SPRING1: variants seen among roughly 807,000 people sequenced by gnomAD.
SPRING1 encodes the protein SREBP regulating gene protein.
In SPRING1, 14 loss-of-function variants were observed where a neutral mutation model predicts 24.7. The ratio of observed to expected loss-of-function variants is 0.57; its 90% CI spans 0.37 to 0.88. The LOEUF is 0.88. SPRING1 is among the 40% of genes least tolerant of loss of function. The probability of loss-of-function intolerance (pLI) is 0.00; values close to 1 mark genes in which losing one functional copy is unlikely to be tolerated. For missense variants in SPRING1, 255 were observed against 268.4 expected, an observed-to-expected ratio of 0.95 and a Z score of 0.35; for synonymous variants, 93 against 106.1, an observed-to-expected ratio of 0.88 and a Z score of 0.76.
chr12:116,731,848 G>C (rs750432623), intron 1 of SPRING1, among the ~76,000 whole-genome samples: 16 of 152,280 alleles, frequency 1.1e-4, no homozygotes, highest in Non-Finnish European at 2.1e-4. Context: ...GTCTAACATG[G>C]GTAAGCCGAG....
At chr12:116,733,914 T>C (rs1270493388) in intron 1 of SPRING1, among the ~76,000 whole-genome samples, 1 of 152,174 alleles carries the variant, frequency 6.6e-6, no homozygotes, top group Non-Finnish European at 1.5e-5. Flanking sequence ...TCTCACTCTG[T>C]TGCCCAGGCT....
At chr12:116,726,773 T>C (rs1171426011) in intron 1 of SPRING1, among the ~76,000 whole-genome samples, 1 of 152,200 alleles carries the variant, frequency 6.6e-6, no homozygotes, top group Non-Finnish European at 1.5e-5. Flanking sequence ...CAAAGTACAG[T>C]AAACTGGATT....
rs976039612 is a variant in SPRING1, at chr12:116,728,412, T to G, written c.112-5189A>C. ...CAGTTGGTGTTATTTGTTAAATAAA[T>G]GCACCCAAGAAACCTGGTACCATTC... On this transcript the variant is annotated intron_variant, in intron 1 of 4. Transcript: ENST00000261318. This position sits in a 1 kb window ranked among gnomAD's most constrained non-coding sequence, Gnocchi z 4.2. 2.0e-5 allele frequency among the ~76,000 whole-genome samples: 3 copies of G among 152,166 alleles called. No homozygotes were observed. Among genetic ancestry groups the G allele is most frequent in the African/African-American group, 7.2e-5 (3 of 41,434 alleles).
intron 1 of SPRING1, among the ~76,000 whole-genome samples, chr12:116,729,066 C>A (rs150779340): frequency 2.6e-5 from 4 of 152,212 alleles, no homozygotes; most frequent in South Asian, 4.2e-4. Flanking sequence ...GAATTCGGTA[C>A]ATGAGTTTTT....
rs1362193209 is a variant in SPRING1 at position 116,720,486 on chromosome 12, C to T, written c.269-39G>A. The T allele has an allele frequency of 1.2e-5, 19 of 1,607,270 alleles. No homozygotes were observed. The highest frequency in any genetic ancestry group is 1.5e-5 in the Non-Finnish European group (18 of 1,176,618). On this transcript the variant is annotated intron_variant, in intron 2 of 4. Coordinates refer to ENST00000261318, the MANE Select transcript of SPRING1 (RefSeq NM_024738.4). This position sits in a 1 kb window ranked among gnomAD's most constrained non-coding sequence, Gnocchi z 4.0. ...ACCAACCTTAGCATAAAACCAGCAGCCTTGCCACCTCCCTACCAGGGATGA... is the reference window on the plus strand; with the variant it reads ...ACCAACCTTAGCATAAAACCAGCAGTCTTGCCACCTCCCTACCAGGGATGA...
At position 116,734,430 on chromosome 12, in the gene SPRING1, G is replaced by T. The variant is rs75886539; in HGVS notation, c.111+3360C>A. ...TCTTAAAATGAAGATGATGTATCAGGGTAGTGAAAAGGTGGTTGTAGGGAA... is the reference window on the plus strand; with the variant it reads ...TCTTAAAATGAAGATGATGTATCAGTGTAGTGAAAAGGTGGTTGTAGGGAA... On this transcript the variant is annotated intron_variant, in intron 1 of 4. Transcript: ENST00000261318. Among the ~76,000 whole-genome samples the T allele has an allele frequency of 3.7e-3, 565 of 152,292 alleles. 3 individuals are homozygous for T. Among genetic ancestry groups the T allele is most frequent in the African/African-American group, 0.013 (553 of 41,556 alleles).
In SPRING1 at chr12:116,737,765, G is replaced by A. The variant is rs774041410; in HGVS notation, c.111+25C>T. The A allele has an allele frequency of 2.6e-6, 4 of 1,533,906 alleles. No homozygotes were observed. In the African/African-American group the frequency reaches 5.7e-5, roughly 22 times the overall value. The stretch of plus-strand genomic sequence containing the variant: ...GAGGAAGGAAGGAAGAAGGGAAGGG[G>A]AGGAGGGGAAGGGCGGCCACTGACC... On this transcript the variant is annotated intron_variant, in intron 1 of 4. Coordinates refer to ENST00000261318, the MANE Select transcript of SPRING1 (RefSeq NM_024738.4).
rs1870055773 is a variant in SPRING1 at position 116,714,998 on chromosome 12, C to T, written c.*2812G>A. 1 of 152,056 alleles carries T rather than the reference C, an allele frequency of 6.6e-6. No homozygotes were observed. The highest frequency in any genetic ancestry group is 1.5e-5 in the Non-Finnish European group (1 of 68,032). The allele number at this position is 152,056 out of a possible 1,614,324, so 9.4% of individuals were successfully genotyped here. ...GAACTGGGGGAGATGCAACGTATGACTCAATTCCCTTGAGCCGAAAACACT... is the reference window on the plus strand; with the variant it reads ...GAACTGGGGGAGATGCAACGTATGATTCAATTCCCTTGAGCCGAAAACACT... On this transcript the variant is annotated 3_prime_UTR_variant, in exon 5 of 5. Transcript: ENST00000261318.
chr12:116,710,220 A>C lies in SPRING1; in HGVS notation c.*7590T>G, dbSNP rs550689087. ...AGGGTCCTACCTTTATTTACATACA[A>C]ATACAAAATCCACGTTTATATACAA... On this transcript the variant is annotated 3_prime_UTR_variant, in exon 5 of 5. Transcript: ENST00000261318. 1 of 152,350 alleles carries C rather than the reference A, an allele frequency of 6.6e-6. No individual in the cohort carries two copies. The highest frequency in any genetic ancestry group is 2.4e-5 in the African/African-American group (1 of 41,586). The allele number at this position is 152,350 out of a possible 1,614,324, so 9.4% of individuals were successfully genotyped here.
At chr12:116,722,380 T>C (rs1870476949) in intron 2 of SPRING1, among the ~76,000 whole-genome samples, 1 of 152,150 alleles carries the variant, frequency 6.6e-6, no homozygotes, top group South Asian at 2.1e-4. Context: ...CACTAAAACA[T>C]TAAAGTGAGA....
At chr12:116,737,656 A>G (rs541066391) in intron 1 of SPRING1, 134 bp downstream of exon 1, 2 of 1,023,198 alleles carry the variant, frequency 2.0e-6, no homozygotes, top group Admixed American at 8.1e-5. Flanking sequence ...GGAGAAAGAA[A>G]GGAAGGGAAG....
In SPRING1 at chr12:116,737,914, T is replaced by C; in HGVS notation, c.-14A>G. On this transcript the variant is annotated 5_prime_UTR_variant, in exon 1 of 5. Transcript: ENST00000261318. ...CAGGTTCACCATCCCGGCGCGGACG[T>C]GGGGCGCGGCGGCCGGGGCGCGGAA... 6.6e-7 allele frequency: 1 copy of C among 1,517,428 alleles called. No individual in the cohort carries two copies. The highest frequency in any genetic ancestry group is 8.8e-7 in the Non-Finnish European group (1 of 1,134,796). The allele number at this position is 1,517,428 out of a possible 1,614,324, so 94.0% of individuals were successfully genotyped here.
chr12:116,729,091 TA>T (rs1338985158), intron 1 of SPRING1, among the ~76,000 whole-genome samples: 2 of 152,164 alleles, frequency 1.3e-5, no homozygotes, highest in African/African-American at 4.8e-5. Context: ...AAAAAACACT[TA>T]AAAAAATAGT....
chr12:116,718,472 T>C (rs1332916733), intron 4 of SPRING1, among the ~76,000 whole-genome samples: 1 of 152,250 alleles, frequency 6.6e-6, no homozygotes. Flanking sequence ...TACAAGCAAC[T>C]TGGGTTTTTG....
At chr12:116,721,920 T>C (rs1870454383) in intron 2 of SPRING1, among the ~76,000 whole-genome samples, 1 of 152,186 alleles carries the variant, frequency 6.6e-6, no homozygotes, top group Non-Finnish European at 1.5e-5. Context: ...TGCAGCTCTT[T>C]CTAGCTTGGT....
chr12:116,723,845 C>T (rs1047325628), intron 1 of SPRING1, among the ~76,000 whole-genome samples: 18 of 152,166 alleles, frequency 1.2e-4, no homozygotes, highest in African/African-American at 4.1e-4. Context: ...GGCCGGCCAG[C>T]CCTCTACCCG....
In SPRING1 at chr12:116,713,834, A is replaced by C. The variant is rs911479254; in HGVS notation, c.*3976T>G. 1 of 152,212 alleles carries C rather than the reference A, an allele frequency of 6.6e-6. No individual in the cohort carries two copies. The highest frequency in any genetic ancestry group is 6.5e-5 in the Admixed American group (1 of 15,274). 9.4% of individuals were successfully genotyped at this position (152,212 alleles called of 1,614,324 possible). ...AAAGTACTTTCATTTTTGCCTAGAA[A>C]ATGGGGGAAGACAAAAATGCGCTTC... On this transcript the variant is annotated 3_prime_UTR_variant, in exon 5 of 5. Transcript: ENST00000261318.
intron 1 of SPRING1, among the ~76,000 whole-genome samples, chr12:116,730,413 A>T (rs141772663): frequency 6.6e-6 from 1 of 151,828 alleles, no homozygotes; most frequent in Non-Finnish European, 1.5e-5. Flanking sequence ...CATGTTGGCC[A>T]GACTGGTCTG....
In SPRING1 at chr12:116,712,703, G is replaced by T. The variant is rs150327386; in HGVS notation, c.*5107C>A. ...CACCTCCAAAGCCACTCCATTCAAAGAACTGCTGGTGAGGTGCTGGGGAGT... is the reference window on the plus strand; with the variant it reads ...CACCTCCAAAGCCACTCCATTCAAATAACTGCTGGTGAGGTGCTGGGGAGT... On this transcript the variant is annotated 3_prime_UTR_variant, in exon 5 of 5. Transcript: ENST00000261318. 3 of 152,358 alleles carry T rather than the reference G, an allele frequency of 2.0e-5. No individual in the cohort carries two copies. The highest frequency in any genetic ancestry group is 7.2e-5 in the African/African-American group (3 of 41,566). The allele number at this position is 152,358 out of a possible 1,614,324, so 9.4% of individuals were successfully genotyped here. A position where few individuals can be genotyped will look rare whatever the true frequency, so the allele number is the denominator to read the frequency against.
Sources: gnomAD v4.1 joint callset for allele counts (sites outside exome capture counted in the v4.1 genomes callset) on GRCh38, gnomAD v4.1.1 for gene constraint, Gnocchi (gnomAD v3.1) non-coding constraint, MANE v1.5 for transcripts, NCBI Gene and HGNC (gene_info 2026-07-23, HGNC 2026-07-21) for gene names.